Variants in PARVA observed in about 807,000 individuals in gnomAD.
The protein encoded by PARVA is alpha-parvin.
PARVA carries 25 observed loss-of-function variants against 52.6 expected under a neutral mutation model. That is an observed-to-expected ratio of 0.48 (90% CI 0.35 to 0.66). The LOEUF (loss-of-function observed/expected upper bound fraction) is 0.66, where lower values mean the gene tolerates loss of function less well. Ranked by LOEUF, PARVA falls within the 30% of genes least tolerant of loss-of-function variation. PARVA has a pLI of 0.01. For synonymous variants in PARVA, 185 were observed against 179.1 expected (o/e 1.03, Z -0.26); for missense variants, 373 against 450.9 (o/e 0.83, Z 1.56).
chr11:12,431,900 G>T (rs1427703908), intron 1 of PARVA, among the ~76,000 whole-genome samples: 1 of 152,204 alleles, frequency 6.6e-6, no homozygotes, highest in Admixed American at 6.5e-5. Context: ...GCAGTTGTTG[G>T]AAATTCCCAA....
At chr11:12,394,840 C>T (rs1484101450) in intron 1 of PARVA, among the ~76,000 whole-genome samples, 1 of 152,180 alleles carries the variant, frequency 6.6e-6, no homozygotes. Context: ...GCCTGTAATT[C>T]CAGCACTTGG....
At chr11:12,496,345 A>AGAGTGCGTGCATGCAT in intron 4 of PARVA, 113 bp from the exon 5 acceptor site, 1 of 861,990 alleles carries the variant, frequency 1.2e-6, no homozygotes. Flanking sequence ...TATTGTTGCA[A>AGAGTGCGTGCATGCAT]GAGTGCATGC....
intron 1 of PARVA, among the ~76,000 whole-genome samples, chr11:12,467,565 G>C (rs1940869519): frequency 6.6e-6 from 1 of 152,178 alleles, no homozygotes; most frequent in Non-Finnish European, 1.5e-5. Flanking sequence ...TTTTCACATA[G>C]AGAAACATTG....
chr11:12,514,162 C>A lies in PARVA; in HGVS notation c.867+97C>A. On this transcript the variant is annotated intron_variant, in intron 10 of 12. Transcript: ENST00000334956. The stretch of plus-strand genomic sequence containing the variant: ...CACTTGGCCAGGAGGGCTTTCCCAG[C>A]TGAGGGGGATGAGGGCATGGGAATC... The A allele has an allele frequency of 3.4e-6, 3 of 889,546 alleles. No homozygotes were observed. The South Asian group carries it at 4.2e-5, about 12-fold the overall frequency. 55.1% of individuals were successfully genotyped at this position (889,546 alleles called of 1,614,324 possible).
intron 1 of PARVA, among the ~76,000 whole-genome samples, chr11:12,418,644 T>A (rs2134981933): frequency 1.3e-5 from 2 of 152,274 alleles, no homozygotes; most frequent in Middle Eastern, 3.4e-3. Flanking sequence ...TGGAGCCAAA[T>A]TCCATCTTTA....
At chr11:12,448,797 GACTC>G (rs1361671780) in intron 1 of PARVA, among the ~76,000 whole-genome samples, 4 of 152,188 alleles carry the variant, frequency 2.6e-5, no homozygotes, top group Non-Finnish European at 4.4e-5. Context: ...CTTGAAAGCA[GACTC>G]ACTACTACTT....
chr11:12,526,943 A>G (rs1941709596), intron 12 of PARVA, among the ~76,000 whole-genome samples: 1 of 152,024 alleles, frequency 6.6e-6, no homozygotes, highest in African/African-American at 2.4e-5. Context: ...AGATGGATGA[A>G]GGGAGGAAGG....
chr11:12,513,203 TG>T (rs766833233), intron 8 of PARVA, 95 bp from the exon 9 acceptor site: 1 of 963,086 alleles, frequency 1.0e-6, no homozygotes. Context: ...TAGTTGACCT[TG>T]TGACCTTGAG....
chr11:12,408,075 A>T (rs1044421159), intron 1 of PARVA, among the ~76,000 whole-genome samples: 4 of 152,024 alleles, frequency 2.6e-5, no homozygotes, highest in African/African-American at 7.3e-5. Flanking sequence ...ACTGTTTTTC[A>T]CGTGTGTCCT....
chr11:12,468,163 C>T (rs1286912181), intron 1 of PARVA, among the ~76,000 whole-genome samples: 1 of 152,214 alleles, frequency 6.6e-6, no homozygotes, highest in Non-Finnish European at 1.5e-5. Flanking sequence ...TCTCTCCTTA[C>T]ATCTCTGTCA....
At chr11:12,423,232 G>A (rs1301177353) in intron 1 of PARVA, among the ~76,000 whole-genome samples, 1 of 145,534 alleles carries the variant, frequency 6.9e-6, no homozygotes, top group Non-Finnish European at 1.5e-5. Flanking sequence ...ATGCTGGACT[G>A]CAGTGGCGTG....
At chr11:12,379,168 G>A (rs1299057090) in intron 1 of PARVA, among the ~76,000 whole-genome samples, 1 of 152,156 alleles carries the variant, frequency 6.6e-6, no homozygotes, top group Non-Finnish European at 1.5e-5. Flanking sequence ...CACTCTTGTC[G>A]CCATTTTGGT....
At position 12,529,568 on chromosome 11, in the gene PARVA, T is replaced by C. The variant is rs545662494; in HGVS notation, c.*1643T>C. ...AAGTCTGTGACTACCTTGTCACTAC[T>C]TTAGGCCCATTCCACAAAGCCCATC... On this transcript the variant is annotated 3_prime_UTR_variant, in exon 13 of 13. Coordinates refer to ENST00000334956, the MANE Select transcript of PARVA (RefSeq NM_018222.5). 1 of 152,330 alleles carries C rather than the reference T, an allele frequency of 6.6e-6. No individual in the cohort carries two copies. Among genetic ancestry groups the C allele is most frequent in the African/African-American group, 2.4e-5 (1 of 41,580 alleles). The allele number at this position is 152,330 out of a possible 1,614,324, so 9.4% of individuals were successfully genotyped here.
At chr11:12,386,353 C>T (rs573213051) in intron 1 of PARVA, among the ~76,000 whole-genome samples, 1 of 152,276 alleles carries the variant, frequency 6.6e-6, no homozygotes, top group South Asian at 2.1e-4. Context: ...CATGCTGTTC[C>T]ATATTCTGGA....
chr11:12,487,919 A>G (rs1202049181), intron 4 of PARVA, among the ~76,000 whole-genome samples: 1 of 152,188 alleles, frequency 6.6e-6, no homozygotes, highest in Admixed American at 6.6e-5. Flanking sequence ...TGGGACTGCC[A>G]TGGAAAGGAG....
intron 1 of PARVA, among the ~76,000 whole-genome samples, chr11:12,388,379 C>T (rs1236177346): frequency 6.6e-6 from 1 of 152,226 alleles, no homozygotes; most frequent in East Asian, 1.9e-4. Context: ...CGACACGTGA[C>T]CAGTGTCACT....
intron 3 of PARVA, among the ~76,000 whole-genome samples, chr11:12,475,654 GC>G (rs544975703): frequency 1.8e-4 from 27 of 152,336 alleles, no homozygotes; most frequent in Admixed American, 1.6e-3. Flanking sequence ...AGGACTGAGG[GC>G]AGTCATCTCA....
At chr11:12,510,351 G>T (rs1049044625) in intron 7 of PARVA, among the ~76,000 whole-genome samples, 3 of 152,180 alleles carry the variant, frequency 2.0e-5, no homozygotes, top group African/African-American at 7.2e-5. Flanking sequence ...TTGGAAAAAA[G>T]TGTTTTGAGC....
intron 6 of PARVA, among the ~76,000 whole-genome samples, chr11:12,505,637 A>G (rs1323826836): frequency 1.3e-5 from 2 of 152,216 alleles, no homozygotes; most frequent in Admixed American, 6.5e-5. Flanking sequence ...ACCGAGTGCC[A>G]CTGGCCAAAA....
Sources: gnomAD v4.1 joint callset for allele counts (sites outside exome capture counted in the v4.1 genomes callset) on GRCh38, gnomAD v4.1.1 for gene constraint, MANE v1.5 for transcripts, NCBI Gene and HGNC (gene_info 2026-07-23, HGNC 2026-07-21) for gene names.